The following INSC variants were observed in gnomAD, a reference collection of about 807,000 sequenced individuals.
INSC encodes INSC spindle orientation adaptor protein, also known as protein inscuteable homolog.
INSC carries 67 observed loss-of-function variants against 58.6 expected under a neutral mutation model. The ratio of observed to expected loss-of-function variants is 1.14; its 90% CI spans 0.94 to 1.40. The LOEUF (loss-of-function observed/expected upper bound fraction) is 1.40. INSC is among the 40% of genes most tolerant of loss of function. The probability of loss-of-function intolerance (pLI) is 0.00; values close to 1 mark genes in which losing one functional copy is unlikely to be tolerated. For missense variants in INSC, 714 were observed against 692.0 expected, an observed-to-expected ratio of 1.03 and a Z score of -0.36; for synonymous variants, 262 against 276.1, an observed-to-expected ratio of 0.95 and a Z score of 0.51.
At chr11:15,173,115 A>G (rs1849455802) in intron 2 of INSC, among the ~76,000 whole-genome samples, 2 of 152,228 alleles carry the variant, frequency 1.3e-5, no homozygotes, top group South Asian at 2.1e-4. Context: ...CAAAAAGTGA[A>G]TGCCCAGGAA....
chr11:15,126,281 C>A (rs563470288), intron 1 of INSC, among the ~76,000 whole-genome samples: 1 of 152,192 alleles, frequency 6.6e-6, no homozygotes, highest in Non-Finnish European at 1.5e-5. Context: ...GCTAGGAGTA[C>A]TTCTGGGGCA....
chr11:15,132,082 A>C (rs1848138809), intron 1 of INSC, among the ~76,000 whole-genome samples: 1 of 151,690 alleles, frequency 6.6e-6, no homozygotes, highest in African/African-American at 2.4e-5. Context: ...CTCTTTCTCC[A>C]TGTCTGTTCT....
chr11:15,245,876 G>A (rs761375534), intron 12 of INSC, 36 bp from the exon 13 acceptor site: 13 of 1,605,566 alleles, frequency 8.1e-6, no homozygotes, highest in Non-Finnish European at 1.1e-5. Flanking sequence ...ACATGGCCCA[G>A]TCTGACACGT....
At chr11:15,241,409 G>A (rs924864811) in intron 12 of INSC, among the ~76,000 whole-genome samples, 15 of 152,194 alleles carry the variant, frequency 9.9e-5, no homozygotes, top group South Asian at 6.2e-4. Context: ...TCTGATGGGC[G>A]TTGTGCCGTT....
chr11:15,152,879 T>G (rs1848697546), intron 2 of INSC, among the ~76,000 whole-genome samples: 1 of 152,048 alleles, frequency 6.6e-6, no homozygotes, highest in African/African-American at 2.4e-5. Flanking sequence ...CTTGAGGAGG[T>G]GAAGTTACTT....
intron 6 of INSC, among the ~76,000 whole-genome samples, chr11:15,199,477 G>A (rs546042495): frequency 1.3e-5 from 2 of 152,156 alleles, no homozygotes; most frequent in African/African-American, 4.8e-5. Flanking sequence ...AGCTATTTTG[G>A]TGAACCCGTG....
intron 5 of INSC, among the ~76,000 whole-genome samples, chr11:15,180,252 C>T (rs553312782): frequency 5.3e-5 from 8 of 151,638 alleles, no homozygotes; most frequent in South Asian, 4.2e-4. Flanking sequence ...AGTGAGACTC[C>T]GTCTCAAAAA....
intron 7 of INSC, among the ~76,000 whole-genome samples, chr11:15,212,345 C>A (rs1851060266): frequency 6.6e-6 from 1 of 152,034 alleles, no homozygotes. Context: ...GGTGATCCGC[C>A]CACCTCAGCC....
the INSC span, among the ~76,000 whole-genome samples, chr11:15,254,649 AAAATAGCACCT>A: frequency 2.5e-3 from 381 of 152,350 alleles, 5 homozygotes; most frequent in African/African-American, 8.4e-3. Context: ...GAAAAGACTT[AAAATAGCACCT>A]AATGGCAAGT....
intron 2 of INSC, among the ~76,000 whole-genome samples, chr11:15,161,075 A>G (rs1460517058): frequency 6.6e-6 from 1 of 152,264 alleles, no homozygotes; most frequent in African/African-American, 2.4e-5. Flanking sequence ...TACATTAAAA[A>G]TAATTTGTTA....
chr11:15,229,979 T>TAATATATATATATA (rs1564917273), intron 9 of INSC, among the ~76,000 whole-genome samples: 1 of 32,992 alleles, frequency 3.0e-5, no homozygotes, highest in African/African-American at 1.2e-4. Context: ...TATATATATA[T>TAATATATATATATA]TATATATATA....
At chr11:15,228,918 G>A (rs1851742830) in intron 9 of INSC, among the ~76,000 whole-genome samples, 1 of 152,178 alleles carries the variant, frequency 6.6e-6, no homozygotes, top group African/African-American at 2.4e-5. Context: ...ACAGGAAGGT[G>A]GCACGGGCTG....
At position 15,229,906 on chromosome 11, in the gene INSC, T is replaced by A. The variant is rs11823111; in HGVS notation, c.1170+4078T>A. ...AATCCTATCTCTATAAAAAACATTT[T>A]TATATATATATAAATTTTTTATATA... On this transcript the variant is annotated intron_variant, in intron 9 of 12. Coordinates refer to ENST00000379556, the MANE Select transcript of INSC (RefSeq NM_001042536.3). Among the ~76,000 whole-genome samples, 68 of 122,518 alleles carry A rather than the reference T, an allele frequency of 5.6e-4. 1 individual carries two copies. Among genetic ancestry groups the A allele is most frequent in the African/African-American group, 1.6e-3 (52 of 31,838 alleles). The allele number at this position is 122,518 out of a possible 152,430, so 80.4% of individuals were successfully genotyped here.
chr11:15,233,840 A>G (rs1020287025), intron 9 of INSC, among the ~76,000 whole-genome samples: 1 of 152,122 alleles, frequency 6.6e-6, no homozygotes, highest in Non-Finnish European at 1.5e-5. Flanking sequence ...TGGTGGAAAC[A>G]GAGTCCATGC....
upstream of INSC, chr11:15,112,476 C>T (rs780403672): frequency 2.9e-5 from 46 of 1,606,152 alleles, no homozygotes; most frequent in South Asian, 1.6e-4. Flanking sequence ...AGCCATGAGA[C>T]GGCCCCCTGG....
the INSC span, among the ~76,000 whole-genome samples, chr11:15,259,061 G>C: frequency 6.6e-6 from 1 of 152,164 alleles, no homozygotes; most frequent in Non-Finnish European, 1.5e-5. Context: ...CTGGGCTCTA[G>C]ATACAAAGTT....
intron 1 of INSC, among the ~76,000 whole-genome samples, chr11:15,122,423 G>C (rs1365569176): frequency 6.6e-6 from 1 of 152,202 alleles, no homozygotes; most frequent in Non-Finnish European, 1.5e-5. Flanking sequence ...ACCGGTGAAT[G>C]CAGAAAGTGA....
At chr11:15,180,334 A>T (rs1300372478) in intron 5 of INSC, among the ~76,000 whole-genome samples, 1 of 152,104 alleles carries the variant, frequency 6.6e-6, no homozygotes, top group Non-Finnish European at 1.5e-5. Flanking sequence ...CTGTGAGTGA[A>T]AGCCAGCTGG....
intron 1 of INSC, among the ~76,000 whole-genome samples, chr11:15,136,162 T>C (rs992750347): frequency 1.3e-5 from 2 of 152,232 alleles, no homozygotes; most frequent in Non-Finnish European, 2.9e-5. Context: ...TCCCACTGCA[T>C]ATAAAAGTTA....
Sources: allele counts gnomAD v4.1 joint callset (sites outside exome capture counted in the v4.1 genomes callset), GRCh38; gene constraint gnomAD v4.1.1; transcripts MANE v1.5; gene names NCBI Gene and HGNC (gene_info 2026-07-23, HGNC 2026-07-21).